The following CSMD1 variants were observed in gnomAD, a reference collection of about 807,000 sequenced individuals.
CSMD1 encodes the protein CUB and Sushi multiple domains 1, also known as CUB and sushi domain-containing protein 1.
Under a neutral mutation model 417.5 loss-of-function variants are expected in CSMD1, and 213 were observed. The observed-to-expected ratio is 0.51, with a 90% CI of 0.46 to 0.57. The LOEUF is 0.57. CSMD1 is among the 20% of genes least tolerant of loss of function. The pLI, the probability that CSMD1 is intolerant of heterozygous loss-of-function variation, is 0.00. For missense variants in CSMD1, 6,923 were observed against 4,529.7 expected, an observed-to-expected ratio of 1.53 and a Z score of -15.17; for synonymous variants, 2,862 against 1,736.8, an observed-to-expected ratio of 1.65 and a Z score of -16.11.
At chr8:3,233,827 T>C (rs1050393967) in intron 26 of CSMD1, among the ~76,000 whole-genome samples, 3 of 151,734 alleles carry the variant, frequency 2.0e-5, no homozygotes, top group Admixed American at 1.3e-4. Context: ...TCACATTAGA[T>C]TACAGGATCT....
chr8:3,276,012 T>C (rs1349459894), intron 26 of CSMD1, among the ~76,000 whole-genome samples: 2 of 152,228 alleles, frequency 1.3e-5, no homozygotes, highest in East Asian at 3.9e-4. Context: ...ACTCTGCTTT[T>C]TAGAGTTTCC....
intron 10 of CSMD1, among the ~76,000 whole-genome samples, chr8:3,542,847 G>C (rs1319987778): frequency 2.0e-5 from 3 of 152,286 alleles, no homozygotes; most frequent in South Asian, 2.1e-4. Flanking sequence ...ACAAAGCCCA[G>C]GGAGAGCTGC....
At chr8:4,922,802 T>C (rs914571920) in intron 1 of CSMD1, among the ~76,000 whole-genome samples, 1 of 152,160 alleles carries the variant, frequency 6.6e-6, no homozygotes, top group African/African-American at 2.4e-5. Flanking sequence ...AAGAAGTGTT[T>C]CCTTCTACAC....
intron 1 of CSMD1, among the ~76,000 whole-genome samples, chr8:4,728,922 C>T (rs997101443): frequency 6.6e-6 from 1 of 152,232 alleles, no homozygotes; most frequent in Non-Finnish European, 1.5e-5. Context: ...AGCATTACAA[C>T]GTTAAGGTAA....
intron 5 of CSMD1, among the ~76,000 whole-genome samples, chr8:3,793,046 G>C (rs929350381): frequency 1.3e-4 from 20 of 152,158 alleles, no homozygotes; most frequent in African/African-American, 4.3e-4. Context: ...CGAGTGCTAA[G>C]AATGGAGTAA....
At chr8:3,990,921 A>T (rs1814693964) in intron 5 of CSMD1, among the ~76,000 whole-genome samples, 1 of 152,086 alleles carries the variant, frequency 6.6e-6, no homozygotes, top group South Asian at 2.1e-4. Flanking sequence ...CCCTTCCTTC[A>T]CTGCCTGGTG....
At chr8:4,022,241 T>C (rs1201711205) in intron 4 of CSMD1, among the ~76,000 whole-genome samples, 1 of 150,102 alleles carries the variant, frequency 6.7e-6, no homozygotes, top group Non-Finnish European at 1.5e-5. Flanking sequence ...CTGACTATTT[T>C]GGTCTATGCC....
chr8:3,182,606 G>GTAT (rs1821415003), intron 36 of CSMD1, among the ~76,000 whole-genome samples: 1 of 80,560 alleles, frequency 1.2e-5, no homozygotes. Context: ...GTGTGTGTGT[G>GTAT]TGTGTGTGTG....
At chr8:4,293,197 G>T (rs796820630) in intron 3 of CSMD1, among the ~76,000 whole-genome samples, 2 of 152,160 alleles carry the variant, frequency 1.3e-5, no homozygotes, top group African/African-American at 4.8e-5. Context: ...CACAGAGAGA[G>T]GAAGAGAGCC....
At chr8:2,969,708 C>T (rs911396304) in intron 57 of CSMD1, among the ~76,000 whole-genome samples, 2 of 152,100 alleles carry the variant, frequency 1.3e-5, no homozygotes, top group East Asian at 1.9e-4. Flanking sequence ...CCTTTTTCAT[C>T]GAGAGGAACT....
intron 10 of CSMD1, among the ~76,000 whole-genome samples, chr8:3,516,069 G>A (rs190985454): frequency 7.9e-5 from 12 of 152,128 alleles, no homozygotes; most frequent in African/African-American, 2.4e-4. Flanking sequence ...GTAGAACTGG[G>A]AAACTGGAGC....
At chr8:3,659,228 T>C (rs1420870203) in intron 7 of CSMD1, among the ~76,000 whole-genome samples, 2 of 152,138 alleles carry the variant, frequency 1.3e-5, no homozygotes, top group African/African-American at 4.8e-5. Context: ...GGAGGTGAAA[T>C]TGTGTATATT....
At chr8:3,335,122 CAAT>C (rs1807169220) in intron 23 of CSMD1, among the ~76,000 whole-genome samples, 1 of 152,132 alleles carries the variant, frequency 6.6e-6, no homozygotes, top group Admixed American at 6.5e-5. Context: ...TGCCTGCAGT[CAAT>C]GGTGGTTGGA....
chr8:3,698,882 T>G (rs1371459721), intron 7 of CSMD1, among the ~76,000 whole-genome samples: 1 of 152,196 alleles, frequency 6.6e-6, no homozygotes, highest in African/African-American at 2.4e-5. Context: ...TACATAAGCA[T>G]CATTTGCAAT....
chr8:4,162,320 T>A (rs1275481529), intron 3 of CSMD1, among the ~76,000 whole-genome samples: 1 of 152,208 alleles, frequency 6.6e-6, no homozygotes, highest in Admixed American at 6.5e-5. Flanking sequence ...TTAATGGATT[T>A]ATGTTACTAC....
chr8:3,296,293 C>G (rs971219936), intron 25 of CSMD1, among the ~76,000 whole-genome samples: 1 of 151,436 alleles, frequency 6.6e-6, no homozygotes, highest in African/African-American at 2.4e-5. Context: ...AAGCAGAAGC[C>G]CCACGTAAGG....
intron 3 of CSMD1, among the ~76,000 whole-genome samples, chr8:4,173,817 A>T (rs1278109074): frequency 1.3e-5 from 2 of 152,168 alleles, no homozygotes; most frequent in Admixed American, 1.3e-4. Flanking sequence ...TTGAGGAACA[A>T]TCTGATCAGG....
At chr8:4,228,480 T>C (rs1624062) in intron 3 of CSMD1, among the ~76,000 whole-genome samples, 81,655 of 151,280 alleles carry the variant, frequency 0.54, 23,020 homozygotes, top group Non-Finnish European at 0.63. Flanking sequence ...GCTTCCACTG[T>C]ATCCTCCCCC....
chr8:4,931,351 A>G (rs990092388), intron 1 of CSMD1, among the ~76,000 whole-genome samples: 3 of 152,182 alleles, frequency 2.0e-5, no homozygotes, highest in Middle Eastern at 3.2e-3. Context: ...TCCCTTTGAT[A>G]TTAGGCATAA....
Sources: gnomAD v4.1 joint callset for allele counts (sites outside exome capture counted in the v4.1 genomes callset) on GRCh38, gnomAD v4.1.1 for gene constraint, MANE v1.5 for transcripts, NCBI Gene and HGNC (gene_info 2026-07-23, HGNC 2026-07-21) for gene names.